EPHA5: variants seen among roughly 807,000 people sequenced by gnomAD.
EPHA5 encodes ephrin type-A receptor 5.
EPHA5 carries 60 observed loss-of-function variants against 105.0 expected under a neutral mutation model. The observed-to-expected ratio is 0.57, with a 90% CI of 0.46 to 0.71. The LOEUF (loss-of-function observed/expected upper bound fraction) is 0.71, where lower values mean the gene tolerates loss of function less well. Among genes scored for constraint, EPHA5 ranks in the 30% least tolerant of loss-of-function variants. The pLI is 0.00. For synonymous variants in EPHA5, 513 were observed against 449.1 expected (o/e 1.14, Z -1.80); for missense variants, 1,218 against 1,274.7 (o/e 0.96, Z 0.68).
intron 8 of EPHA5, among the ~76,000 whole-genome samples, chr4:65,381,923 T>C (rs1348385095): frequency 6.6e-6 from 1 of 151,752 alleles, no homozygotes; most frequent in African/African-American, 2.4e-5. Flanking sequence ...ACCTTCAACA[T>C]TAAAATATCA....
chr4:65,321,499 G>C lies in EPHA5; in HGVS notation c.*2615C>G, dbSNP rs1022301113. On this transcript the variant is annotated 3_prime_UTR_variant, in exon 17 of 17. Coordinates refer to ENST00000613740, the MANE Select transcript of EPHA5 (RefSeq NM_001281766.3). ...GGCATTCTTTCCTCTTTTTTAGGGA[G>C]AGTACTTGTTGTTTGACAGTCTCTT... The C allele has an allele frequency of 4.4e-6, 1 of 229,090 alleles. No individual in the cohort carries two copies. The highest frequency in any genetic ancestry group is 8.7e-6 in the Non-Finnish European group (1 of 115,466). 14.2% of individuals were successfully genotyped at this position (229,090 alleles called of 1,614,324 possible).
intron 1 of EPHA5, among the ~76,000 whole-genome samples, chr4:65,668,076 A>C (rs1297009964): frequency 1.3e-5 from 2 of 152,208 alleles, no homozygotes; most frequent in African/African-American, 4.8e-5. Flanking sequence ...AGCTATATAT[A>C]TGTATATAGA....
chr4:65,439,763 C>A (rs921403080), intron 5 of EPHA5, among the ~76,000 whole-genome samples: 1 of 152,058 alleles, frequency 6.6e-6, no homozygotes, highest in East Asian at 1.9e-4. Context: ...ATTCTGTACA[C>A]AATGTACCTG....
At chr4:65,414,152 T>G in intron 7 of EPHA5, 132 bp downstream of exon 7, 1 of 784,922 alleles carries the variant, frequency 1.3e-6, no homozygotes, top group Admixed American at 2.3e-5. Context: ...GCTTCCTACC[T>G]GAAGGGGTCA....
At chr4:65,620,480 A>C (rs773817480) in intron 2 of EPHA5, among the ~76,000 whole-genome samples, 1 of 152,184 alleles carries the variant, frequency 6.6e-6, no homozygotes, top group Non-Finnish European at 1.5e-5. Context: ...TTTAAAATTA[A>C]ATGAAAATGT....
intron 3 of EPHA5, among the ~76,000 whole-genome samples, chr4:65,546,026 T>A (rs766045511): frequency 1.7e-4 from 26 of 152,008 alleles, no homozygotes; most frequent in Non-Finnish European, 3.4e-4. Context: ...CGACTCTGAA[T>A]GGTACCTTGA....
At chr4:65,348,659 G>GATATATATATATATATATAT (rs36206921) in intron 13 of EPHA5, among the ~76,000 whole-genome samples, 1 of 60,228 alleles carries the variant, frequency 1.7e-5, no homozygotes, top group African/African-American at 5.9e-5. Flanking sequence ...AAACATTGGA[G>GATATATATATATATATATAT]ATATATATAT....
At chr4:65,400,894 T>G (rs1443206310) in intron 8 of EPHA5, among the ~76,000 whole-genome samples, 2 of 152,062 alleles carry the variant, frequency 1.3e-5, no homozygotes, top group Admixed American at 6.6e-5. Flanking sequence ...AAAATAAAAT[T>G]AACTTATTTA....
At chr4:65,497,714 TAACTTA>T (rs1732081218) in intron 3 of EPHA5, among the ~76,000 whole-genome samples, 1 of 152,056 alleles carries the variant, frequency 6.6e-6, no homozygotes, top group Non-Finnish European at 1.5e-5. Flanking sequence ...GAATGCCTCT[TAACTTA>T]AACACTTTAT....
In EPHA5 at chr4:65,495,328, A is replaced by G. The variant is rs1731813831; in HGVS notation, c.1066+60T>C. 1.4e-5 allele frequency: 22 copies of G among 1,532,288 alleles called. No individual in the cohort carries two copies. In the South Asian group the frequency reaches 2.1e-4, roughly 14 times the overall value. The allele number at this position is 1,532,288 out of a possible 1,614,324, so 94.9% of individuals were successfully genotyped here. The stretch of plus-strand genomic sequence containing the variant: ...TTACTAGACTATAACAGGCTCCATC[A>G]TGCTGTTTCCTCAAAACTGGTTAAA... On this transcript the variant is annotated intron_variant, in intron 4 of 16. Transcript: ENST00000613740.
intron 5 of EPHA5, among the ~76,000 whole-genome samples, chr4:65,454,558 T>A (rs1034918120): frequency 1.1e-4 from 16 of 152,166 alleles, no homozygotes; most frequent in African/African-American, 3.9e-4. Flanking sequence ...AATGTACACA[T>A]TATACATGTG....
At chr4:65,638,419 C>G (rs2149505027) in intron 2 of EPHA5, among the ~76,000 whole-genome samples, 1 of 152,188 alleles carries the variant, frequency 6.6e-6, no homozygotes, top group African/African-American at 2.4e-5. Context: ...ATCTCTAGAA[C>G]AGAATTCATA....
rs142675244 is a variant in EPHA5, at chr4:65,558,631, T to G, written c.910+43010A>C. On this transcript the variant is annotated intron_variant, in intron 3 of 16. Transcript: ENST00000613740. ...ATATGTATACATGTGTCATGTTGGT[T>G]TGCTGCACCCATTAACTCGTCATTT... Among the ~76,000 whole-genome samples the G allele has an allele frequency of 3.0e-3, 449 of 152,166 alleles. 3 individuals are homozygous for G. In the East Asian group the frequency reaches 0.044, roughly 15 times the overall value.
At chr4:65,532,480 T>G (rs1450536274) in intron 3 of EPHA5, among the ~76,000 whole-genome samples, 1 of 151,992 alleles carries the variant, frequency 6.6e-6, no homozygotes, top group East Asian at 1.9e-4. Context: ...CAATCCTATG[T>G]AGCTTTACAC....
chr4:65,529,359 T>C (rs1357810198), intron 3 of EPHA5, among the ~76,000 whole-genome samples: 1 of 152,176 alleles, frequency 6.6e-6, no homozygotes. Flanking sequence ...ATAAATTTAT[T>C]GTTTCCTTTG....
chr4:65,574,601 T>TATATATACAC (rs1740615770), intron 3 of EPHA5, among the ~76,000 whole-genome samples: 1 of 87,788 alleles, frequency 1.1e-5, no homozygotes, highest in Non-Finnish European at 2.4e-5. Flanking sequence ...TATATTGCTG[T>TATATATACAC]ATATATATAT....
chr4:65,472,563 A>C (rs1578195159), intron 5 of EPHA5, among the ~76,000 whole-genome samples: 2 of 152,120 alleles, frequency 1.3e-5, no homozygotes, highest in African/African-American at 4.8e-5. Flanking sequence ...ACTTCTGTGC[A>C]CCTGCAGGCC....
chr4:65,506,742 G>A (rs1733066409), intron 3 of EPHA5, among the ~76,000 whole-genome samples: 1 of 149,296 alleles, frequency 6.7e-6, no homozygotes, highest in Non-Finnish European at 1.5e-5. Flanking sequence ...TTGTAAATTT[G>A]TTTGAGTTCA....
At chr4:65,509,599 T>C (rs1733401111) in intron 3 of EPHA5, among the ~76,000 whole-genome samples, 1 of 152,176 alleles carries the variant, frequency 6.6e-6, no homozygotes, top group African/African-American at 2.4e-5. Context: ...TAGACTATAT[T>C]GTAAAGCATA....
Sources: gnomAD v4.1 joint callset for allele counts (sites outside exome capture counted in the v4.1 genomes callset) on GRCh38, gnomAD v4.1.1 for gene constraint, MANE v1.5 for transcripts, NCBI Gene and HGNC (gene_info 2026-07-23, HGNC 2026-07-21) for gene names.